TNR: variants seen among roughly 807,000 people sequenced by gnomAD.
TNR encodes tenascin R, also known as tenascin-R.
A neutral mutation model predicts 150.4 loss-of-function variants in TNR; 45 were observed. The ratio of observed to expected loss-of-function variants is 0.30; its 90% CI spans 0.24 to 0.38. The LOEUF (loss-of-function observed/expected upper bound fraction) is 0.38. Among genes scored for constraint, TNR ranks in the 10% least tolerant of loss-of-function variants. The pLI is 1.00. For synonymous variants in TNR, 687 were observed against 678.4 expected (o/e 1.01, Z -0.20); for missense variants, 1,544 against 1,759.1 (o/e 0.88, Z 2.19).
intron 2 of TNR, among the ~76,000 whole-genome samples, chr1:175,503,109 C>T (rs533194193): frequency 6.6e-6 from 1 of 152,238 alleles, no homozygotes; most frequent in East Asian, 1.9e-4. Context: ...GGACACAGGT[C>T]CATATGAACA....
At chr1:175,557,990 G>T (rs1661245431) in intron 1 of TNR, among the ~76,000 whole-genome samples, 1 of 106,818 alleles carries the variant, frequency 9.4e-6, no homozygotes. Flanking sequence ...GATGAAATTG[G>T]AAATCATCAT....
intron 9 of TNR, among the ~76,000 whole-genome samples, chr1:175,374,082 A>G (rs1652252587): frequency 6.6e-6 from 1 of 152,206 alleles, no homozygotes; most frequent in Admixed American, 6.5e-5. Context: ...GAAGAGCTGC[A>G]GGGCGTTGAA....
chr1:175,569,157 G>T (rs1412601133), intron 1 of TNR, among the ~76,000 whole-genome samples: 1 of 152,146 alleles, frequency 6.6e-6, no homozygotes, highest in Non-Finnish European at 1.5e-5. Flanking sequence ...TAGGAAGAAA[G>T]TTGCATCTCA....
chr1:175,398,810 C>T (rs1653561702), intron 4 of TNR, among the ~76,000 whole-genome samples: 1 of 152,164 alleles, frequency 6.6e-6, no homozygotes, highest in Non-Finnish European at 1.5e-5. Context: ...ATTTCACAGT[C>T]TATAAACTAT....
intron 1 of TNR, chr1:175,539,107 T>C (rs1225569192): frequency 6.6e-6 from 1 of 152,192 alleles, no homozygotes; most frequent in Non-Finnish European, 1.5e-5. Context: ...AATATGAAAA[T>C]ATAGCCTTGA....
chr1:175,463,632 G>A (rs1230313272), intron 2 of TNR, among the ~76,000 whole-genome samples: 1 of 152,186 alleles, frequency 6.6e-6, no homozygotes, highest in Non-Finnish European at 1.5e-5. Context: ...TTTAAGATGT[G>A]AAAATGTTCC....
intron 18 of TNR, among the ~76,000 whole-genome samples, chr1:175,351,862 C>T (rs1303865564): frequency 3.3e-5 from 5 of 152,316 alleles, no homozygotes; most frequent in African/African-American, 4.8e-5. Context: ...CTACACTCAC[C>T]GCATAGGAAA....
intron 7 of TNR, among the ~76,000 whole-genome samples, chr1:175,390,436 C>T (rs987962643): frequency 5.3e-5 from 8 of 152,116 alleles, no homozygotes; most frequent in Non-Finnish European, 7.3e-5. Flanking sequence ...AAAATGAGAA[C>T]CAAAACTTAT....
chr1:175,608,695 G>A (rs762408761), intron 1 of TNR, among the ~76,000 whole-genome samples: 4 of 152,102 alleles, frequency 2.6e-5, no homozygotes, highest in Admixed American at 1.3e-4. Context: ...ACACTTAACA[G>A]AAAAAAATGG....
At chr1:175,693,725 T>C (rs1042803692) in intron 1 of TNR, among the ~76,000 whole-genome samples, 1 of 152,228 alleles carries the variant, frequency 6.6e-6, no homozygotes, top group Non-Finnish European at 1.5e-5. Flanking sequence ...ACACCCTGAA[T>C]GCGCCCAATC....
chr1:175,621,665 A>C (rs184127175), intron 1 of TNR, among the ~76,000 whole-genome samples: 21 of 152,292 alleles, frequency 1.4e-4, no homozygotes, highest in African/African-American at 4.3e-4. Context: ...TTAGCTACCT[A>C]CCCTTCAATG....
chr1:175,368,220 C>A (rs138969906), intron 9 of TNR, among the ~76,000 whole-genome samples: 2 of 152,340 alleles, frequency 1.3e-5, no homozygotes, highest in Non-Finnish European at 2.9e-5. Context: ...TTCAGGAGGT[C>A]TGCAGTCTAA....
At chr1:175,742,837 AAAG>A (rs1264673559) in intron 1 of TNR, among the ~76,000 whole-genome samples, 1 of 152,102 alleles carries the variant, frequency 6.6e-6, no homozygotes, top group Non-Finnish European at 1.5e-5. Flanking sequence ...GGAGAGAGTT[AAAG>A]AAGGTGCACG....
intron 19 of TNR, 116 bp downstream of exon 19, chr1:175,337,412 G>A (rs1039477064): frequency 1.6e-6 from 2 of 1,231,276 alleles, no homozygotes; most frequent in African/African-American, 1.5e-5. Flanking sequence ...ATGGACATGT[G>A]GGGGGTGATA....
At chr1:175,655,559 T>C (rs1013370876) in intron 1 of TNR, among the ~76,000 whole-genome samples, 1 of 152,238 alleles carries the variant, frequency 6.6e-6, no homozygotes, top group African/African-American at 2.4e-5. Context: ...AATAGAATGA[T>C]GCTGATGAGT....
chr1:175,615,475 C>G (rs955564451), intron 1 of TNR, among the ~76,000 whole-genome samples: 4 of 152,166 alleles, frequency 2.6e-5, no homozygotes, highest in African/African-American at 4.8e-5. Context: ...ACGTCCTGCC[C>G]CTTACACAGG....
At chr1:175,596,830 T>C (rs1051202431) in intron 1 of TNR, among the ~76,000 whole-genome samples, 1 of 152,168 alleles carries the variant, frequency 6.6e-6, no homozygotes, top group Non-Finnish European at 1.5e-5. Flanking sequence ...AAAACAGCTT[T>C]TTTGTAAGCA....
Position 175,599,705 on chromosome 1 carries a change from G to A in TNR, c.-164-71336C>T, listed in dbSNP as rs772629977. On this transcript the variant is annotated intron_variant, in intron 1 of 22. Transcript: ENST00000367674. The surrounding 1 kb of genome is among the most constrained non-coding windows in gnomAD (Gnocchi z 4.7). ...GAGGAGGACAGAGGGGCCAGGTGGA[G>A]CGGGGTCTGCAAACAGCCCAGGCTT... Among the ~76,000 whole-genome samples the A allele has an allele frequency of 6.6e-5, 10 of 152,270 alleles. No homozygotes were observed. The highest frequency in any genetic ancestry group is 1.2e-4 in the Non-Finnish European group (8 of 68,050).
intron 1 of TNR, among the ~76,000 whole-genome samples, chr1:175,622,278 T>C (rs1381396971): frequency 6.6e-6 from 1 of 152,200 alleles, no homozygotes. Context: ...CTGATACTCC[T>C]CTGCAGCAGG....
Sources: gnomAD v4.1 joint callset for allele counts (sites outside exome capture counted in the v4.1 genomes callset) on GRCh38, gnomAD v4.1.1 for gene constraint, Gnocchi (gnomAD v3.1) non-coding constraint, MANE v1.5 for transcripts, NCBI Gene and HGNC (gene_info 2026-07-23, HGNC 2026-07-21) for gene names.